CADM2: variants seen among roughly 807,000 people sequenced by gnomAD.
CADM2 encodes the protein cell adhesion molecule 2, also known as immunoglobulin superfamily member 4D.
A neutral mutation model predicts 49.8 loss-of-function variants in CADM2; 12 were observed. The ratio of observed to expected loss-of-function variants is 0.24; its 90% CI spans 0.15 to 0.39. The LOEUF is 0.39. Among genes scored for constraint, CADM2 ranks in the 10% least tolerant of loss-of-function variants. The pLI is 1.00. For missense variants in CADM2, 378 were observed against 492.3 expected, an observed-to-expected ratio of 0.77 and a Z score of 2.20; for synonymous variants, 214 against 175.4, an observed-to-expected ratio of 1.22 and a Z score of -1.74.
intron 2 of CADM2, among the ~76,000 whole-genome samples, chr3:85,774,295 T>A (rs1226698425): frequency 6.6e-6 from 1 of 151,874 alleles, no homozygotes; most frequent in Non-Finnish European, 1.5e-5. Context: ...AATTTAATGT[T>A]GATAGCCTAC....
chr3:84,995,512 G>T (rs2033137047), intron 1 of CADM2, among the ~76,000 whole-genome samples: 1 of 152,160 alleles, frequency 6.6e-6, no homozygotes, highest in Non-Finnish European at 1.5e-5. Flanking sequence ...TAACAGTTGG[G>T]TTGGAATCCT....
At chr3:85,275,649 G>T (rs2043339720) in intron 1 of CADM2, among the ~76,000 whole-genome samples, 1 of 150,980 alleles carries the variant, frequency 6.6e-6, no homozygotes, top group Non-Finnish European at 1.5e-5. Flanking sequence ...CTCTCAAATT[G>T]TTACAATTGC....
intron 1 of CADM2, among the ~76,000 whole-genome samples, chr3:85,257,934 T>C (rs2042925791): frequency 6.6e-6 from 1 of 152,124 alleles, no homozygotes; most frequent in Non-Finnish European, 1.5e-5. Context: ...CTGGGAGAGC[T>C]GTTACATCAG....
chr3:85,755,516 T>C (rs183396262), intron 2 of CADM2, among the ~76,000 whole-genome samples: 3 of 152,278 alleles, frequency 2.0e-5, no homozygotes, highest in East Asian at 3.9e-4. Context: ...GACACTGTAT[T>C]AGTAGTCCAT....
intron 1 of CADM2, among the ~76,000 whole-genome samples, chr3:85,206,848 A>G (rs1292023238): frequency 2.6e-5 from 4 of 152,136 alleles, no homozygotes; most frequent in Non-Finnish European, 5.9e-5. Context: ...TTGCTAAGAA[A>G]GATGAAGAAC....
intron 3 of CADM2, among the ~76,000 whole-genome samples, chr3:85,875,476 C>A (rs1711695912): frequency 6.6e-6 from 1 of 152,064 alleles, no homozygotes; most frequent in African/African-American, 2.4e-5. Context: ...TTTTTGTAAG[C>A]TTTCTTATAG....
At chr3:85,519,474 A>G (rs997542960) in intron 1 of CADM2, among the ~76,000 whole-genome samples, 5 of 152,084 alleles carry the variant, frequency 3.3e-5, no homozygotes, top group Non-Finnish European at 5.9e-5. Flanking sequence ...TGGTTCTTCC[A>G]CTAATTAGAT....
intron 1 of CADM2, among the ~76,000 whole-genome samples, chr3:85,018,627 T>G (rs1257049019): frequency 6.6e-6 from 1 of 152,162 alleles, no homozygotes; most frequent in Non-Finnish European, 1.5e-5. Flanking sequence ...GTGAGTTTAT[T>G]TACATAAACT....
intron 3 of CADM2, among the ~76,000 whole-genome samples, chr3:85,825,758 T>C (rs760274917): frequency 2.0e-5 from 3 of 152,146 alleles, no homozygotes; most frequent in Non-Finnish European, 2.9e-5. Context: ...CAGCCACTTT[T>C]TAAAAATTTC....
At chr3:85,979,268 A>G (rs767699662) in intron 8 of CADM2, 1 of 1,610,386 alleles carries the variant, frequency 6.2e-7, no homozygotes, top group Non-Finnish European at 8.5e-7. Flanking sequence ...ATCTGCAACA[A>G]CCAGCAGCAT....
At chr3:85,628,722 A>T (rs996072834) in intron 1 of CADM2, among the ~76,000 whole-genome samples, 4 of 150,212 alleles carry the variant, frequency 2.7e-5, no homozygotes, top group African/African-American at 9.7e-5. Flanking sequence ...ACCTGTATAA[A>T]TATTTATACA....
intron 6 of CADM2, among the ~76,000 whole-genome samples, chr3:85,930,493 A>G (rs1036650927): frequency 6.6e-6 from 1 of 152,130 alleles, no homozygotes; most frequent in African/African-American, 2.4e-5. Context: ...ATATATAGTT[A>G]AATTACTATT....
At chr3:85,328,367 A>G (rs1463158204) in intron 1 of CADM2, among the ~76,000 whole-genome samples, 3 of 152,224 alleles carry the variant, frequency 2.0e-5, no homozygotes, top group African/African-American at 7.2e-5. Flanking sequence ...AATTTCATTT[A>G]AATACATAAA....
intron 1 of CADM2, among the ~76,000 whole-genome samples, chr3:85,533,170 C>T (rs1038401982): frequency 6.6e-6 from 1 of 152,156 alleles, no homozygotes; most frequent in Non-Finnish European, 1.5e-5. Context: ...CTAAAGACAA[C>T]ATGAAAATCT....
At chr3:85,512,687 AAG>A (rs555009748) in intron 1 of CADM2, among the ~76,000 whole-genome samples, 10 of 140,134 alleles carry the variant, frequency 7.1e-5, no homozygotes, top group Admixed American at 3.4e-4. Context: ...AAATATAAAA[AAG>A]AAGTGATTTT....
intron 8 of CADM2, among the ~76,000 whole-genome samples, chr3:86,041,270 A>G (rs1477561889): frequency 1.3e-5 from 2 of 152,356 alleles, no homozygotes; most frequent in Non-Finnish European, 2.9e-5. Flanking sequence ...TGCTCCAATT[A>G]AAAGATACAG....
intron 1 of CADM2, among the ~76,000 whole-genome samples, chr3:85,346,774 A>G (rs565742271): frequency 4.6e-5 from 7 of 152,288 alleles, no homozygotes; most frequent in African/African-American, 1.4e-4. Context: ...AGATGTGGGG[A>G]TATTACAGTA....
chr3:85,230,542 A>G (rs1161464291), intron 1 of CADM2, among the ~76,000 whole-genome samples: 1 of 152,194 alleles, frequency 6.6e-6, no homozygotes, highest in African/African-American at 2.4e-5. Flanking sequence ...AAATTAGGTC[A>G]TTATCCAGTT....
chr3:85,945,197 C>G (rs997369659), intron 7 of CADM2, among the ~76,000 whole-genome samples: 1 of 151,886 alleles, frequency 6.6e-6, no homozygotes, highest in Admixed American at 6.6e-5. Flanking sequence ...ATAAATTCCT[C>G]GACACATACA....
Sources: allele counts gnomAD v4.1 joint callset (sites outside exome capture counted in the v4.1 genomes callset), GRCh38; gene constraint gnomAD v4.1.1; transcripts MANE v1.5; gene names NCBI Gene and HGNC (gene_info 2026-07-23, HGNC 2026-07-21).